ENTREP2: variants seen among roughly 807,000 people sequenced by gnomAD.
ENTREP2 encodes endosomal transmembrane epsin interactor 2.
chr15:29,391,939 C>T, the ENTREP2 span, among the ~76,000 whole-genome samples: 2 of 152,210 alleles, frequency 1.3e-5, no homozygotes, highest in African/African-American at 4.8e-5. Context: ...ATTCTCCTGC[C>T]TCAGCCTCCC....
the ENTREP2 span, among the ~76,000 whole-genome samples, chr15:29,539,238 T>G: frequency 5.9e-5 from 7 of 119,308 alleles, no homozygotes; most frequent in African/African-American, 2.0e-4. Context: ...TCCACCAGAG[T>G]GTCAGACCTC....
At chr15:29,249,168 C>T in the ENTREP2 span, among the ~76,000 whole-genome samples, 1 of 152,124 alleles carries the variant, frequency 6.6e-6, no homozygotes, top group Non-Finnish European at 1.5e-5. Flanking sequence ...GTTAGCTGGG[C>T]GTGGTGGCCC....
At chr15:29,581,003 A>T in the ENTREP2 span, among the ~76,000 whole-genome samples, 2 of 152,306 alleles carry the variant, frequency 1.3e-5, no homozygotes, top group East Asian at 3.9e-4. Context: ...AAGACCTCGC[A>T]CCAGACCTCA....
chr15:29,382,316 C>T, the ENTREP2 span, among the ~76,000 whole-genome samples: 1 of 152,156 alleles, frequency 6.6e-6, no homozygotes, highest in South Asian at 2.1e-4. Flanking sequence ...CAAATGCAAC[C>T]CCACCCACGG....
the ENTREP2 span, among the ~76,000 whole-genome samples, chr15:29,177,123 C>T: frequency 1.3e-5 from 2 of 152,282 alleles, no homozygotes; most frequent in East Asian, 3.9e-4. Context: ...GTGGTGATAA[C>T]ATCGACAAGG....
the ENTREP2 span, among the ~76,000 whole-genome samples, chr15:29,210,822 C>T: frequency 6.6e-6 from 1 of 152,142 alleles, no homozygotes; most frequent in Non-Finnish European, 1.5e-5. Context: ...TGTCTGGCAT[C>T]CCACCGTAAT....
At chr15:29,347,065 C>T in the ENTREP2 span, among the ~76,000 whole-genome samples, 8 of 152,332 alleles carry the variant, frequency 5.3e-5, 1 homozygote, top group African/African-American at 1.9e-4. Flanking sequence ...ATACACACAG[C>T]CATCTGAAAA....
At chr15:29,424,932 A>G in the ENTREP2 span, among the ~76,000 whole-genome samples, 2 of 152,190 alleles carry the variant, frequency 1.3e-5, no homozygotes, top group Admixed American at 1.3e-4. Context: ...GACACAGTAC[A>G]TTCTATTTCC....
chr15:29,179,916 G>A, the ENTREP2 span, among the ~76,000 whole-genome samples: 1 of 152,098 alleles, frequency 6.6e-6, no homozygotes, highest in Non-Finnish European at 1.5e-5. Context: ...GGAGTGGCCA[G>A]TGCAGAGATG....
At chr15:29,262,680 G>C in the ENTREP2 span, among the ~76,000 whole-genome samples, 3 of 152,136 alleles carry the variant, frequency 2.0e-5, no homozygotes, top group Non-Finnish European at 4.4e-5. Flanking sequence ...ACCAGTAAAC[G>C]TAAGTGTTTC....
chr15:29,567,898 G>C, the ENTREP2 span, among the ~76,000 whole-genome samples: 16,324 of 152,176 alleles, frequency 0.11, 1,025 homozygotes, highest in East Asian at 0.3. Context: ...AGAAGATTTA[G>C]AGAAACCAGA....
At chr15:29,429,594 C>T in the ENTREP2 span, among the ~76,000 whole-genome samples, 1 of 152,222 alleles carries the variant, frequency 6.6e-6, no homozygotes, top group Non-Finnish European at 1.5e-5. Flanking sequence ...CTCTCTAGCA[C>T]ATGTAACCCA....
At chr15:29,266,340 A>G in the ENTREP2 span, 1 of 152,260 alleles carries the variant, frequency 6.6e-6, no homozygotes, top group Non-Finnish European at 1.5e-5. Context: ...AAACAAAACA[A>G]AACTGTATAA....
the ENTREP2 span, among the ~76,000 whole-genome samples, chr15:29,463,674 T>A: frequency 6.6e-6 from 1 of 152,176 alleles, no homozygotes; most frequent in Non-Finnish European, 1.5e-5. Flanking sequence ...TAAGAAATGA[T>A]TTCCATGTGA....
At chr15:29,269,421 G>A in the ENTREP2 span, 83 of 1,614,150 alleles carry the variant, frequency 5.1e-5, no homozygotes, top group Middle Eastern at 1.2e-3. Context: ...TAATCAGCAA[G>A]AACTGCACCA....
chr15:29,471,412 G>A, the ENTREP2 span, among the ~76,000 whole-genome samples: 1 of 152,234 alleles, frequency 6.6e-6, no homozygotes, highest in Non-Finnish European at 1.5e-5. Flanking sequence ...CAAATAGAAA[G>A]TGAGGGCACA....
At chr15:29,321,777 A>G in the ENTREP2 span, among the ~76,000 whole-genome samples, 965 of 152,218 alleles carry the variant, frequency 6.3e-3, 7 homozygotes, top group African/African-American at 0.022. Flanking sequence ...TTGCAATGAG[A>G]ACATATGGAC....
chr15:29,444,175 A>AC, the ENTREP2 span, among the ~76,000 whole-genome samples: 2,000 of 11,524 alleles, frequency 0.17, 191 homozygotes, highest in African/African-American at 0.25. Context: ...ACAGACAAAG[A>AC]AAGAAAGAAA....
the ENTREP2 span, among the ~76,000 whole-genome samples, chr15:29,312,449 C>T: frequency 4.0e-5 from 6 of 151,880 alleles, no homozygotes; most frequent in South Asian, 2.1e-4. Context: ...AGTTTTTTTA[C>T]GGATTGAAGG....
Sources: allele counts gnomAD v4.1 joint callset (sites outside exome capture counted in the v4.1 genomes callset), GRCh38; gene constraint gnomAD v4.1.1; transcripts MANE v1.5; gene names NCBI Gene and HGNC (gene_info 2026-07-23, HGNC 2026-07-21).